The following NREP variants were observed in gnomAD, a reference collection of about 807,000 sequenced individuals.
NREP encodes neuronal regeneration related protein.
Under a neutral mutation model 8.6 loss-of-function variants are expected in NREP, and 5 were observed. That is an observed-to-expected ratio of 0.58 (90% CI 0.30 to 1.22). The LOEUF is 1.22. Ranked by LOEUF, NREP falls within the 50% of genes most tolerant of loss-of-function variation. The probability of loss-of-function intolerance (pLI) is 0.07; values close to 1 mark genes in which losing one functional copy is unlikely to be tolerated. For synonymous variants in NREP, 27 were observed against 28.0 expected, an observed-to-expected ratio of 0.96 and a Z score of 0.11; for missense variants, 86 against 82.5, an observed-to-expected ratio of 1.04 and a Z score of -0.17.
intron 2 of NREP, among the ~76,000 whole-genome samples, chr5:111,916,978 C>A (rs747984334): frequency 1.3e-5 from 2 of 152,026 alleles, no homozygotes; most frequent in African/African-American, 4.8e-5. Flanking sequence ...AGTTTCTGCC[C>A]GCTTGGAAGA....
At chr5:111,863,889 T>C (rs746782274) in intron 2 of NREP, among the ~76,000 whole-genome samples, 2 of 152,174 alleles carry the variant, frequency 1.3e-5, no homozygotes, top group African/African-American at 2.4e-5. Flanking sequence ...GACTTCCTCA[T>C]ACCTTGGCAA....
intron 2 of NREP, among the ~76,000 whole-genome samples, chr5:111,869,318 T>C (rs1168789503): frequency 6.6e-6 from 1 of 152,206 alleles, no homozygotes; most frequent in East Asian, 1.9e-4. Flanking sequence ...TTTCCTTACG[T>C]TCCATTTGTT....
At chr5:111,822,897 A>C (rs140348636) in intron 2 of NREP, among the ~76,000 whole-genome samples, 77 of 152,386 alleles carry the variant, frequency 5.1e-4, no homozygotes, top group Non-Finnish European at 9.6e-4. Context: ...ATCAATAAAT[A>C]AGAATCAAGT....
At chr5:111,800,557 C>T (rs1452054077) in intron 2 of NREP, among the ~76,000 whole-genome samples, 2 of 152,204 alleles carry the variant, frequency 1.3e-5, no homozygotes, top group East Asian at 1.9e-4. Context: ...TCATTTCTTG[C>T]CTTTCCAATT....
chr5:111,795,611 A>G lies in NREP; in HGVS notation c.136-60104T>C, dbSNP rs566796587. On this transcript the variant is annotated intron_variant, in intron 2 of 3. Transcript: ENST00000395634. The stretch of plus-strand genomic sequence containing the variant: ...CTATTCTTATTAATATTCAAATCAA[A>G]TAATTTATATCTTTAATTCTGAAAT... 2.6e-5 allele frequency among the ~76,000 whole-genome samples: 4 copies of G among 152,340 alleles called. No individual in the cohort carries two copies. In the South Asian group the frequency reaches 8.3e-4, roughly 32 times the overall value.
At chr5:111,741,546 T>G (rs1749663522) in intron 2 of NREP, among the ~76,000 whole-genome samples, 1 of 152,122 alleles carries the variant, frequency 6.6e-6, no homozygotes, top group Non-Finnish European at 1.5e-5. Context: ...GATTAGATGG[T>G]GCCAAAAGAT....
rs569515326 is a variant in NREP at position 111,815,648 on chromosome 5, C to T, written c.136-80141G>A. Among the ~76,000 whole-genome samples, 8 of 151,858 alleles carry T rather than the reference C, an allele frequency of 5.3e-5. No homozygotes were observed. In the East Asian group the frequency reaches 1.2e-3, roughly 22 times the overall value. Reference sequence around the variant, plus strand: ...TTAAAATAAGACTCGGCATAAGACTCGGCAAAACCGAAGGTATGATTAAGG... The same window carrying T: ...TTAAAATAAGACTCGGCATAAGACTTGGCAAAACCGAAGGTATGATTAAGG... On this transcript the variant is annotated intron_variant, in intron 2 of 3. Coordinates refer to the NREP transcript ENST00000395634.
chr5:111,804,627 A>C (rs1752092921), intron 2 of NREP, among the ~76,000 whole-genome samples: 1 of 152,174 alleles, frequency 6.6e-6, no homozygotes, highest in Admixed American at 6.5e-5. Context: ...TATTTGCAAT[A>C]TACAGTTCAG....
chr5:111,756,934 A>C (rs1750750297), intron 1 of NREP, among the ~76,000 whole-genome samples: 3 of 152,064 alleles, frequency 2.0e-5, no homozygotes, highest in Admixed American at 2.0e-4. Context: ...TTTAGAAAAA[A>C]CCCAAGTTAA....
chr5:111,923,797 C>T (rs1755311175), intron 2 of NREP, among the ~76,000 whole-genome samples: 1 of 152,148 alleles, frequency 6.6e-6, no homozygotes, highest in Non-Finnish European at 1.5e-5. Context: ...AGACTGAATG[C>T]CTTCCCTATT....
intron 2 of NREP, among the ~76,000 whole-genome samples, chr5:111,742,162 T>C (rs983412041): frequency 3.9e-5 from 6 of 152,184 alleles, no homozygotes; most frequent in Non-Finnish European, 7.3e-5. Context: ...GCGTTCATAT[T>C]TTATTAATAT....
intron 2 of NREP, among the ~76,000 whole-genome samples, chr5:111,837,968 C>T (rs1752936529): frequency 6.6e-6 from 1 of 151,914 alleles, no homozygotes; most frequent in African/African-American, 2.4e-5. Flanking sequence ...TGCAATTTTG[C>T]TAATTAATCT....
At chr5:111,841,593 A>AT (rs1009085507) in intron 2 of NREP, among the ~76,000 whole-genome samples, 1 of 152,122 alleles carries the variant, frequency 6.6e-6, no homozygotes, top group Admixed American at 6.6e-5. Flanking sequence ...CAGGGACTTA[A>AT]TTTTTTTAAA....
chr5:111,926,287 G>A (rs748828098), intron 2 of NREP, among the ~76,000 whole-genome samples: 1 of 152,072 alleles, frequency 6.6e-6, no homozygotes, highest in African/African-American at 2.4e-5. Flanking sequence ...CCTGGATAAT[G>A]GGGACAAGAG....
upstream of NREP, among the ~76,000 whole-genome samples, chr5:111,762,193 GAA>G (rs1462303483): frequency 6.6e-6 from 1 of 152,160 alleles, no homozygotes; most frequent in Non-Finnish European, 1.5e-5. Context: ...ATTAGCTGGA[GAA>G]AAGAGTCTAA....
intron 2 of NREP, among the ~76,000 whole-genome samples, chr5:111,792,714 C>T (rs953150727): frequency 6.6e-6 from 1 of 151,920 alleles, no homozygotes; most frequent in Non-Finnish European, 1.5e-5. Flanking sequence ...CCAAAAATAA[C>T]AGAAAGAAGA....
intron 2 of NREP, among the ~76,000 whole-genome samples, chr5:111,917,745 C>G (rs1755104460): frequency 6.6e-6 from 1 of 152,146 alleles, no homozygotes; most frequent in African/African-American, 2.4e-5. Flanking sequence ...AACCCACAGC[C>G]AATATCGTAC....
intron 2 of NREP, among the ~76,000 whole-genome samples, chr5:111,803,243 A>G (rs1449071525): frequency 6.6e-6 from 1 of 152,190 alleles, no homozygotes; most frequent in Non-Finnish European, 1.5e-5. Flanking sequence ...GCTTGAAGTT[A>G]TGAGAGTAGG....
chr5:111,879,477 A>C (rs975779250), intron 2 of NREP, among the ~76,000 whole-genome samples: 4 of 152,200 alleles, frequency 2.6e-5, no homozygotes, highest in African/African-American at 9.7e-5. Context: ...AAAGCATAGA[A>C]AGGTTGGCAT....
Sources: gnomAD v4.1 joint callset for allele counts (sites outside exome capture counted in the v4.1 genomes callset) on GRCh38, gnomAD v4.1.1 for gene constraint, MANE v1.5 for transcripts, NCBI Gene and HGNC (gene_info 2026-07-23, HGNC 2026-07-21) for gene names.